The following MAP4K3 variants were observed in gnomAD, a reference collection of about 807,000 sequenced individuals.
MAP4K3 encodes the protein mitogen-activated protein kinase kinase kinase kinase 3, also known as MAPK/ERK kinase kinase kinase 3.
In MAP4K3, 94 loss-of-function variants were observed where a neutral mutation model predicts 143.5. The observed-to-expected ratio is 0.65, with a 90% CI of 0.55 to 0.78. The LOEUF (loss-of-function observed/expected upper bound fraction) is 0.78, where lower values mean the gene tolerates loss of function less well. Ranked by LOEUF, MAP4K3 falls within the 30% of genes least tolerant of loss-of-function variation. The probability of loss-of-function intolerance (pLI) is 0.00; values close to 1 mark genes in which losing one functional copy is unlikely to be tolerated. For synonymous variants in MAP4K3, 416 were observed against 347.2 expected, an observed-to-expected ratio of 1.20 and a Z score of -2.20; for missense variants, 1,077 against 1,068.1, an observed-to-expected ratio of 1.01 and a Z score of -0.12.
chr2:39,334,932 C>CA (rs1260412548), intron 6 of MAP4K3, among the ~76,000 whole-genome samples: 3 of 152,156 alleles, frequency 2.0e-5, no homozygotes, highest in South Asian at 2.1e-4. Flanking sequence ...TCTCCAAAGG[C>CA]AGTAATATAT....
intron 31 of MAP4K3, among the ~76,000 whole-genome samples, chr2:39,256,702 T>G (rs1236043560): frequency 6.6e-6 from 1 of 152,222 alleles, no homozygotes; most frequent in Non-Finnish European, 1.5e-5. Flanking sequence ...CTTGTTTGAT[T>G]TTAGCATCAG....
At chr2:39,359,123 C>T (rs2005892) in intron 2 of MAP4K3, among the ~76,000 whole-genome samples, 134,179 of 152,228 alleles carry the variant, frequency 0.88, 59,324 homozygotes, top group Non-Finnish European at 0.91. Context: ...GTGAGTTACT[C>T]TCTAGATACA....
rs1028320277 is a variant in MAP4K3 at position 39,254,613 on chromosome 2, C to A, written c.2471-93G>T. On this transcript the variant is annotated intron_variant, in intron 31 of 33. Coordinates refer to ENST00000263881, the MANE Select transcript of MAP4K3 (RefSeq NM_003618.4). ...CCCTCTATCTCATACAGCAATATTT[C>A]AATTCACAACTAATGTCAGCTATTC... 6 of 833,412 alleles carry A rather than the reference C, an allele frequency of 7.2e-6. No individual in the cohort carries two copies. The East Asian group carries it at 1.2e-4, about 17-fold the overall frequency. 51.6% of individuals were successfully genotyped at this position (833,412 alleles called of 1,614,324 possible). A position where few individuals can be genotyped will look rare whatever the true frequency, so the allele number is the denominator to read the frequency against.
intron 3 of MAP4K3, among the ~76,000 whole-genome samples, chr2:39,350,117 G>A (rs977633238): frequency 6.6e-6 from 1 of 152,132 alleles, no homozygotes; most frequent in Non-Finnish European, 1.5e-5. Context: ...CAATGCGCAG[G>A]ACTATCTCCC....
intron 1 of MAP4K3, among the ~76,000 whole-genome samples, chr2:39,399,240 T>A (rs748636167): frequency 3.3e-5 from 5 of 152,180 alleles, no homozygotes; most frequent in Non-Finnish European, 5.9e-5. Context: ...GTAATTTATA[T>A]GTCACTAAGA....
At chr2:39,289,820 C>T (rs746914315) in intron 19 of MAP4K3, among the ~76,000 whole-genome samples, 8 of 152,210 alleles carry the variant, frequency 5.3e-5, no homozygotes, top group Non-Finnish European at 1.0e-4. Flanking sequence ...CACAGTGACT[C>T]ATGCCTGTAA....
intron 31 of MAP4K3, among the ~76,000 whole-genome samples, chr2:39,254,759 T>C (rs893218148): frequency 2.6e-5 from 4 of 152,230 alleles, no homozygotes; most frequent in Admixed American, 1.3e-4. Flanking sequence ...TTTGTATTTC[T>C]AGTAGAAATG....
At chr2:39,406,326 A>T (rs551790017) in intron 1 of MAP4K3, among the ~76,000 whole-genome samples, 1 of 152,312 alleles carries the variant, frequency 6.6e-6, no homozygotes, top group Admixed American at 6.5e-5. Context: ...ATTCAAAGGG[A>T]TAAGCAGAGA....
intron 1 of MAP4K3, among the ~76,000 whole-genome samples, chr2:39,411,678 G>A (rs1043870599): frequency 2.0e-5 from 3 of 152,184 alleles, no homozygotes; most frequent in Non-Finnish European, 4.4e-5. Flanking sequence ...AGTGCATCAA[G>A]TATCTGTCAA....
rs541286775 is a variant in MAP4K3, at chr2:39,352,570, C to T, written c.245+3679G>A. On this transcript the variant is annotated intron_variant, in intron 3 of 33. Coordinates refer to ENST00000263881, the MANE Select transcript of MAP4K3 (RefSeq NM_003618.4). The stretch of plus-strand genomic sequence containing the variant: ...ATTCAGATACAAATACATACCAAAC[C>T]GGGACTATTTAAAATTTTTAAATGT... Among the ~76,000 whole-genome samples, 28 of 152,058 alleles carry T rather than the reference C, an allele frequency of 1.8e-4. 1 individual carries two copies. Among genetic ancestry groups the T allele is most frequent in the Non-Finnish European group, 1.9e-4 (13 of 67,996 alleles).
Position 39,331,980 on chromosome 2 carries a change from C to A in MAP4K3, c.467G>T (p.Gly156Val), listed in dbSNP as rs1683698011. 1.3e-6 allele frequency: 2 copies of A among 1,523,068 alleles called. No individual in the cohort carries two copies. Among genetic ancestry groups the A allele is most frequent in the Non-Finnish European group, 8.9e-7 (1 of 1,121,324 alleles). 94.3% of individuals were successfully genotyped at this position (1,523,068 alleles called of 1,614,324 possible). ...TGTAGCTGTTATCTGTGCAGATACT[C>A]CAAAATCAGCTATTAAAAAAAATGA... ...DNGHVKLADF[G>V]VSAQITATIA... Residue 156 changes from glycine to valine, a missense_variant, in exon 8 of 34, where the codon GGA becomes GTA. Gly to Val is a moderately radical substitution (Grantham distance 109). Coordinates refer to ENST00000263881, the MANE Select transcript of MAP4K3 (RefSeq NM_003618.4).
intron 1 of MAP4K3, among the ~76,000 whole-genome samples, chr2:39,431,493 A>G (rs1665287666): frequency 2.0e-5 from 3 of 152,166 alleles, no homozygotes; most frequent in Admixed American, 2.0e-4. Context: ...ACCTGGATCC[A>G]TCCCTGAACT....
chr2:39,284,200 T>C (rs1352274829), intron 21 of MAP4K3, among the ~76,000 whole-genome samples: 1 of 152,108 alleles, frequency 6.6e-6, no homozygotes, highest in Non-Finnish European at 1.5e-5. Context: ...CTTGCTCTGT[T>C]ACCCAGGCTG....
intron 32 of MAP4K3, among the ~76,000 whole-genome samples, 200 bp downstream of exon 32, chr2:39,254,250 A>G (rs552737682): frequency 1.3e-5 from 2 of 152,350 alleles, no homozygotes; most frequent in Admixed American, 6.5e-5. Context: ...CACATTAAAT[A>G]TGCACTAAAG....
At chr2:39,267,268 G>A (rs1558609960) in intron 26 of MAP4K3, 21 bp from the exon 27 acceptor site, 1 of 1,587,884 alleles carries the variant, frequency 6.3e-7, no homozygotes, top group Admixed American at 1.7e-5. Flanking sequence ...ATAAAAGTGA[G>A]TACGTAATAT....
At position 39,336,420 on chromosome 2, in the gene MAP4K3, C is replaced by T. The variant is rs544321308; in HGVS notation, c.414+500G>A. On this transcript the variant is annotated intron_variant, in intron 6 of 33. Transcript: ENST00000263881. The stretch of plus-strand genomic sequence containing the variant: ...CCCGGGAGGGGAGGTTGCAGTGAGC[C>T]GACATCGTGCCACTGCACTCTAGCC... 1.5e-4 allele frequency among the ~76,000 whole-genome samples: 21 copies of T among 141,766 alleles called. No homozygotes were observed. In the East Asian group the frequency reaches 3.5e-3, roughly 24 times the overall value. 93.0% of individuals were successfully genotyped at this position (141,766 alleles called of 152,430 possible).
chr2:39,251,134 G>A (rs868770644), intron 33 of MAP4K3, among the ~76,000 whole-genome samples: 1 of 152,232 alleles, frequency 6.6e-6, no homozygotes, highest in African/African-American at 2.4e-5. Context: ...GGCGCTCACA[G>A]AAAGAGTTGT....
intron 13 of MAP4K3, among the ~76,000 whole-genome samples, chr2:39,314,560 C>G (rs1683050855): frequency 6.6e-6 from 1 of 152,148 alleles, no homozygotes; most frequent in African/African-American, 2.4e-5. Flanking sequence ...CACTCCTGAG[C>G]TTTTTATATA....
chr2:39,333,328 G>A (rs945918541), intron 7 of MAP4K3, among the ~76,000 whole-genome samples: 2 of 152,060 alleles, frequency 1.3e-5, no homozygotes, highest in African/African-American at 4.8e-5. Context: ...CTTTACAACA[G>A]ATATGTCTTA....
Sources: allele counts gnomAD v4.1 joint callset (sites outside exome capture counted in the v4.1 genomes callset), GRCh38; gene constraint gnomAD v4.1.1; transcripts MANE v1.5; gene names NCBI Gene and HGNC (gene_info 2026-07-23, HGNC 2026-07-21).